Variants in QTMAN observed in about 807,000 individuals in gnomAD.
QTMAN encodes the protein tRNA-queuosine alpha-mannosyltransferase.
chr2:144,263,638 T>C, the QTMAN span, among the ~76,000 whole-genome samples: 2 of 152,052 alleles, frequency 1.3e-5, no homozygotes, highest in African/African-American at 4.8e-5. Context: ...GCAGGAGAAT[T>C]GTTTGAACCA....
the QTMAN span, among the ~76,000 whole-genome samples, chr2:144,086,552 G>A: frequency 6.6e-6 from 1 of 152,092 alleles, no homozygotes; most frequent in Non-Finnish European, 1.5e-5. Flanking sequence ...TTGCCTGACA[G>A]CCATAATTCT....
the QTMAN span, among the ~76,000 whole-genome samples, chr2:144,314,957 C>T: frequency 1.5e-4 from 23 of 152,210 alleles, no homozygotes; most frequent in East Asian, 4.5e-3. Flanking sequence ...GTGATCTCGG[C>T]TCACTGCAAC....
At chr2:144,039,651 T>C in the QTMAN span, among the ~76,000 whole-genome samples, 1 of 152,148 alleles carries the variant, frequency 6.6e-6, no homozygotes, top group Non-Finnish European at 1.5e-5. Context: ...CTGGGAGTAA[T>C]GCCATCGCTT....
At chr2:144,260,124 TG>T in the QTMAN span, among the ~76,000 whole-genome samples, 7 of 152,178 alleles carry the variant, frequency 4.6e-5, no homozygotes, top group African/African-American at 1.7e-4. Flanking sequence ...TTTTCATAAT[TG>T]TTTTTTTCAA....
chr2:144,107,997 C>A, the QTMAN span, among the ~76,000 whole-genome samples: 1 of 152,184 alleles, frequency 6.6e-6, no homozygotes, highest in Admixed American at 6.5e-5. Flanking sequence ...GAACCAAAGA[C>A]ACAAACCACA....
chr2:144,155,355 T>G, the QTMAN span, among the ~76,000 whole-genome samples: 4 of 152,272 alleles, frequency 2.6e-5, no homozygotes, highest in South Asian at 8.3e-4. Context: ...AGTAAGTCAA[T>G]TAACATGCAA....
At chr2:144,110,591 G>A in the QTMAN span, among the ~76,000 whole-genome samples, 2 of 150,656 alleles carry the variant, frequency 1.3e-5, 1 homozygote, top group Non-Finnish European at 3.0e-5. Context: ...TAATAGGACT[G>A]TCCCAATATT....
At chr2:144,062,113 A>G in the QTMAN span, among the ~76,000 whole-genome samples, 1 of 152,194 alleles carries the variant, frequency 6.6e-6, no homozygotes, top group Non-Finnish European at 1.5e-5. Context: ...AGGCTGTCAC[A>G]CTGACTCTTC....
chr2:144,124,669 C>T, the QTMAN span, among the ~76,000 whole-genome samples: 1 of 152,048 alleles, frequency 6.6e-6, no homozygotes, highest in Non-Finnish European at 1.5e-5. Flanking sequence ...TCAAACAAAC[C>T]AAATTCCGGT....
the QTMAN span, among the ~76,000 whole-genome samples, chr2:144,211,920 C>T: frequency 6.6e-6 from 1 of 152,168 alleles, no homozygotes; most frequent in Admixed American, 6.5e-5. Context: ...GACATTTTTG[C>T]ACCACTAGCA....
the QTMAN span, among the ~76,000 whole-genome samples, chr2:144,333,012 C>T: frequency 5.9e-5 from 9 of 152,304 alleles, no homozygotes; most frequent in South Asian, 1.9e-3. Flanking sequence ...GGCCCCTGTG[C>T]GGGTTCCTGG....
At chr2:144,178,206 A>C in the QTMAN span, 2 of 152,120 alleles carry the variant, frequency 1.3e-5, no homozygotes, top group Non-Finnish European at 2.9e-5. Flanking sequence ...TTGACTCTAA[A>C]ATTTCCTAGT....
chr2:144,186,355 CAG>C, the QTMAN span, among the ~76,000 whole-genome samples: 9 of 152,200 alleles, frequency 5.9e-5, no homozygotes, highest in Admixed American at 3.3e-4. Flanking sequence ...TCAAAGATTT[CAG>C]AGATTATGTT....
chr2:144,090,368 A>G, the QTMAN span, among the ~76,000 whole-genome samples: 1 of 152,108 alleles, frequency 6.6e-6, no homozygotes, highest in Non-Finnish European at 1.5e-5. Flanking sequence ...TACCCCATGT[A>G]ATAAGAAAAT....
the QTMAN span, among the ~76,000 whole-genome samples, chr2:144,199,612 T>G: frequency 6.6e-6 from 1 of 152,296 alleles, no homozygotes; most frequent in African/African-American, 2.4e-5. Flanking sequence ...TTAACACTTA[T>G]TCCCCAAAAA....
At chr2:144,057,925 C>G in the QTMAN span, among the ~76,000 whole-genome samples, 1 of 152,040 alleles carries the variant, frequency 6.6e-6, no homozygotes, top group Non-Finnish European at 1.5e-5. Flanking sequence ...ATCTTCCCAC[C>G]TCAGTCTCCC....
At chr2:144,105,390 AG>A in the QTMAN span, among the ~76,000 whole-genome samples, 3 of 152,346 alleles carry the variant, frequency 2.0e-5, no homozygotes, top group South Asian at 6.2e-4. Context: ...TAGAATAACC[AG>A]TGTAGAGAAG....
chr2:144,165,192 A>G, the QTMAN span, among the ~76,000 whole-genome samples: 3 of 152,000 alleles, frequency 2.0e-5, no homozygotes, highest in South Asian at 6.2e-4. Flanking sequence ...CAACATGATG[A>G]AACACTATCT....
the QTMAN span, among the ~76,000 whole-genome samples, chr2:144,035,544 ATAGT>A: frequency 2.0e-5 from 3 of 152,322 alleles, no homozygotes; most frequent in African/African-American, 7.2e-5. Flanking sequence ...TAAAAAGACC[ATAGT>A]TATTTTATAA....
Sources: allele counts gnomAD v4.1 joint callset (sites outside exome capture counted in the v4.1 genomes callset), GRCh38; gene constraint gnomAD v4.1.1; transcripts MANE v1.5; gene names NCBI Gene and HGNC (gene_info 2026-07-23, HGNC 2026-07-21).